NIPBL: variants seen among roughly 807,000 people sequenced by gnomAD.
The protein encoded by NIPBL is NIPBL cohesin loading factor, also known as nipped-B-like protein.
NIPBL carries 19 observed loss-of-function variants against 321.8 expected under a neutral mutation model. That is an observed-to-expected ratio of 0.06 (90% confidence interval 0.04 to 0.09). The LOEUF (loss-of-function observed/expected upper bound fraction) is 0.09. NIPBL is among the 10% of genes least tolerant of loss of function. NIPBL has a pLI of 1.00. For synonymous variants in NIPBL, 1,106 were observed against 1,114.1 expected (o/e 0.99, Z 0.14); for missense variants, 2,210 against 3,327.0 (o/e 0.66, Z 8.26).
At chr5:37,017,820 A>G (rs1007646390) in intron 24 of NIPBL, among the ~76,000 whole-genome samples, 4 of 152,108 alleles carry the variant, frequency 2.6e-5, no homozygotes, top group African/African-American at 9.7e-5. Flanking sequence ...CCTTAGAGAA[A>G]AATTGTAGGA....
At chr5:36,975,753 C>G (rs772279101) in intron 8 of NIPBL, 23 bp from the exon 9 acceptor site, 7 of 1,611,732 alleles carry the variant, frequency 4.3e-6, no homozygotes, top group Non-Finnish European at 5.9e-6. Flanking sequence ...ACAACTGTTA[C>G]TTCTATCGAA....
At chr5:36,919,489 G>A (rs1357689152) in intron 1 of NIPBL, among the ~76,000 whole-genome samples, 1 of 151,896 alleles carries the variant, frequency 6.6e-6, no homozygotes, top group East Asian at 1.9e-4. Flanking sequence ...ATGTACCACT[G>A]CACCGAGTAT....
chr5:37,040,785 C>T (rs893088387), intron 34 of NIPBL, among the ~76,000 whole-genome samples: 2 of 152,134 alleles, frequency 1.3e-5, no homozygotes, highest in Non-Finnish European at 2.9e-5. Flanking sequence ...TGCCATTTTG[C>T]AGTGGATGTG....
In NIPBL at chr5:37,060,946, C is replaced by T. The variant is rs1258848996; in HGVS notation, c.7788C>T (p.Phe2596=). 6.2e-7 allele frequency: 1 copy of T among 1,614,060 alleles called. No individual in the cohort carries two copies. The highest frequency in any genetic ancestry group is 1.3e-5 in the African/African-American group (1 of 75,038). Residue 2596 remains phenylalanine, a synonymous_variant, in exon 45 of 47, where the codon TTC becomes TTT. Coordinates refer to ENST00000282516, the MANE Select transcript of NIPBL (RefSeq NM_133433.4). The part of the protein sequence containing the change: ...VHFHPKQTLD[F]LRSDMANSKI... ...TTCATCCAAAACAAACACTGGACTT[C>T]CTGCGGAGTGACATGGCTAATTCCA...
chr5:37,031,984 T>C (rs2149711688), intron 32 of NIPBL, among the ~76,000 whole-genome samples: 1 of 152,318 alleles, frequency 6.6e-6, no homozygotes, highest in South Asian at 2.1e-4. Context: ...CTTTCAGGGA[T>C]GATAGTTATG....
In NIPBL at chr5:37,022,037, T is replaced by C; in HGVS notation, c.5329-14T>C. On this transcript the variant is annotated splice_polypyrimidine_tract_variant and intron_variant, in intron 27 of 46. Coordinates refer to ENST00000282516, the MANE Select transcript of NIPBL (RefSeq NM_133433.4). ...ATTCTAAAATTTACAAAAATGTCAATGTTTGCTTGGCAGATCCTACGAGTT... is the reference window on the plus strand; with the variant it reads ...ATTCTAAAATTTACAAAAATGTCAACGTTTGCTTGGCAGATCCTACGAGTT... The C allele has an allele frequency of 6.2e-7, 1 of 1,608,420 alleles. No homozygotes were observed. Among genetic ancestry groups the C allele is most frequent in the Non-Finnish European group, 8.5e-7 (1 of 1,174,938 alleles).
chr5:36,972,051 T>C lies in NIPBL; in HGVS notation c.868+10T>C. The C allele has an allele frequency of 6.4e-7, 1 of 1,562,130 alleles. No homozygotes were observed. Among genetic ancestry groups the C allele is most frequent in the Non-Finnish European group, 8.8e-7 (1 of 1,133,184 alleles). On this transcript the variant is annotated intron_variant, in intron 8 of 46. Coordinates refer to ENST00000282516, the MANE Select transcript of NIPBL (RefSeq NM_133433.4). Reference sequence around the variant, plus strand: ...GAAGGAACTCCTAAAGGTACTACTGTAACTAAAATTTCCTTCTGTATATTT... The same window carrying C: ...GAAGGAACTCCTAAAGGTACTACTGCAACTAAAATTTCCTTCTGTATATTT...
intron 1 of NIPBL, among the ~76,000 whole-genome samples, chr5:36,940,675 G>A (rs1371688753): frequency 6.6e-6 from 1 of 152,088 alleles, no homozygotes; most frequent in Non-Finnish European, 1.5e-5. Context: ...AAAACAGCTA[G>A]GACTCTGGAA....
At chr5:36,881,677 T>C (rs1347854276) in intron 1 of NIPBL, among the ~76,000 whole-genome samples, 1 of 151,976 alleles carries the variant, frequency 6.6e-6, no homozygotes, top group Non-Finnish European at 1.5e-5. Flanking sequence ...AATTTTAATA[T>C]TATCTTTTGG....
intron 1 of NIPBL, among the ~76,000 whole-genome samples, chr5:36,897,779 A>G (rs1208567809): frequency 6.6e-6 from 1 of 151,920 alleles, no homozygotes; most frequent in Admixed American, 6.6e-5. Context: ...AACAATGTGT[A>G]TATAGGGATG....
At chr5:37,041,252 GT>G (rs1163179336) in intron 34 of NIPBL, among the ~76,000 whole-genome samples, 391 of 63,934 alleles carry the variant, frequency 6.1e-3, no homozygotes, top group African/African-American at 0.02. Context: ...TTATGTGGTG[GT>G]TTTTTTTTTT....
At position 37,022,165 on chromosome 5, in the gene NIPBL, G is replaced by T. The variant is rs753342252; in HGVS notation, c.5427+16G>T. 97 of 1,613,326 alleles carry T rather than the reference G, an allele frequency of 6.0e-5. No homozygotes were observed. Among genetic ancestry groups the T allele is most frequent in the Non-Finnish European group, 8.1e-5 (95 of 1,179,452 alleles). On this transcript the variant is annotated intron_variant, in intron 28 of 46. Transcript: ENST00000282516. ...TCTAGCAAGGGTAAAGAGCAAAAAT[G>T]ATTCTTTCTTTTCTACTCGAATTGG... is the stretch of plus-strand genomic sequence containing the variant.
rs896645824 is a variant in NIPBL, at chr5:36,886,387, G to C, written c.-80+9209G>C. 1.6e-5 allele frequency: 12 copies of C among 728,826 alleles called. No homozygotes were observed. In the African/African-American group the frequency reaches 1.9e-4, roughly 11 times the overall value. The allele number at this position is 728,826 out of a possible 1,614,324, so 45.1% of individuals were successfully genotyped here. On this transcript the variant is annotated intron_variant, in intron 1 of 46. Coordinates refer to ENST00000282516, the MANE Select transcript of NIPBL (RefSeq NM_133433.4). ...TGGCAAGAACTTCAGTCTTGATGAT[G>C]CCCTGGACAGCAGCAACTCCATGCA...
intron 1 of NIPBL, among the ~76,000 whole-genome samples, chr5:36,917,923 G>A (rs1031951079): frequency 1.3e-5 from 2 of 152,166 alleles, no homozygotes; most frequent in African/African-American, 4.8e-5. Context: ...TTGGGTTACT[G>A]TAGCCTTGTA....
chr5:37,045,741 G>A (rs1165261746), intron 37 of NIPBL, 144 bp downstream of exon 37: 6 of 820,708 alleles, frequency 7.3e-6, no homozygotes, highest in South Asian at 3.2e-5. Flanking sequence ...TGCTCAAAAC[G>A]TGGTCCTCAG....
chr5:36,974,923 A>G (rs1298444902), intron 8 of NIPBL, among the ~76,000 whole-genome samples: 1 of 152,010 alleles, frequency 6.6e-6, no homozygotes, highest in African/African-American at 2.4e-5. Flanking sequence ...ATGCAGTTAT[A>G]CTATTATTTC....
chr5:36,972,482 A>G (rs1465844586), intron 8 of NIPBL, among the ~76,000 whole-genome samples: 1 of 151,752 alleles, frequency 6.6e-6, no homozygotes, highest in Non-Finnish European at 1.5e-5. Flanking sequence ...CAAGATTTCT[A>G]TTATTAGACC....
chr5:37,016,534 G>A (rs998927897), intron 23 of NIPBL, among the ~76,000 whole-genome samples: 7 of 152,018 alleles, frequency 4.6e-5, no homozygotes, highest in Non-Finnish European at 8.8e-5. Context: ...ACAAATGTAT[G>A]GCATTTTGTA....
At chr5:36,889,285 A>G (rs1040091464) in intron 1 of NIPBL, among the ~76,000 whole-genome samples, 4 of 152,128 alleles carry the variant, frequency 2.6e-5, no homozygotes, top group Non-Finnish European at 5.9e-5. Flanking sequence ...AGAAAGATCT[A>G]TATACAGAAG....
Sources: gnomAD v4.1 joint callset for allele counts (sites outside exome capture counted in the v4.1 genomes callset) on GRCh38, gnomAD v4.1.1 for gene constraint, MANE v1.5 for transcripts, NCBI Gene and HGNC (gene_info 2026-07-23, HGNC 2026-07-21) for gene names.